Variants in EYA4 observed in about 807,000 individuals in gnomAD.
The protein encoded by EYA4 is EYA transcriptional coactivator and phosphatase 4.
Under a neutral mutation model 87.9 loss-of-function variants are expected in EYA4, and 31 were observed. The observed-to-expected ratio is 0.35, with a 90% confidence interval of 0.27 to 0.48. EYA4 has a LOEUF of 0.48. EYA4 is among the 20% of genes least tolerant of loss of function. EYA4 has a pLI of 0.99. For missense variants in EYA4, 678 were observed against 761.4 expected, an observed-to-expected ratio of 0.89 and a Z score of 1.29; for synonymous variants, 263 against 270.6, an observed-to-expected ratio of 0.97 and a Z score of 0.28.
rs537152581 is a variant in EYA4 at position 133,365,886 on chromosome 6, A to G, written c.34-16506A>G. Among the ~76,000 whole-genome samples, 8 of 152,320 alleles carry G rather than the reference A, an allele frequency of 5.3e-5. No homozygotes were observed. The East Asian group carries it at 1.2e-3, about 22-fold the overall frequency. ...CAGCCCTTTGCACTAAGAATTGGCT[A>G]GCTCTGGGAGTATAGTCTCTTCCCA... On this transcript the variant is annotated intron_variant, in intron 2 of 19. Coordinates refer to ENST00000355286, the MANE Select transcript of EYA4 (RefSeq NM_004100.5).
chr6:133,416,955 T>C (rs1789769833), intron 3 of EYA4, among the ~76,000 whole-genome samples: 1 of 152,210 alleles, frequency 6.6e-6, no homozygotes, highest in Non-Finnish European at 1.5e-5. Flanking sequence ...TTTGGGTGTA[T>C]GCCGAACACC....
intron 7 of EYA4, 146 bp from the exon 8 acceptor site, chr6:133,462,189 A>T: frequency 2.1e-6 from 2 of 967,602 alleles, no homozygotes; most frequent in African/African-American, 3.2e-5. Flanking sequence ...TGACATTCAG[A>T]CTGTTGCTTT....
At chr6:133,300,284 G>A (rs543850118) in intron 2 of EYA4, among the ~76,000 whole-genome samples, 129 of 151,660 alleles carry the variant, frequency 8.5e-4, no homozygotes, top group Non-Finnish European at 1.7e-3. Context: ...ATCCACAAGT[G>A]AGTGGACCCA....
intron 13 of EYA4, among the ~76,000 whole-genome samples, chr6:133,484,960 T>C (rs1562476074): frequency 1.3e-5 from 2 of 152,204 alleles, no homozygotes; most frequent in African/African-American, 2.4e-5. Flanking sequence ...TCTTTAAAAA[T>C]AGAAAGATCA....
At chr6:133,314,581 G>A (rs529941481) in intron 2 of EYA4, among the ~76,000 whole-genome samples, 103 of 152,116 alleles carry the variant, frequency 6.8e-4, no homozygotes, top group Non-Finnish European at 1.3e-3. Flanking sequence ...CTCCAACATG[G>A]TAATAAAACA....
chr6:133,431,584 A>G (rs561843581), intron 3 of EYA4, among the ~76,000 whole-genome samples: 5 of 152,294 alleles, frequency 3.3e-5, no homozygotes. Context: ...CTTGTATTTG[A>G]TGAACTTTGT....
chr6:133,464,743 A>G, intron 9 of EYA4, 36 bp from the exon 10 acceptor site: 1 of 1,222,872 alleles, frequency 8.2e-7, no homozygotes, highest in South Asian at 1.2e-5. Flanking sequence ...TTTTACAAGG[A>G]ATACTTTTAA....
At chr6:133,286,850 GT>G (rs1181089422) in intron 2 of EYA4, among the ~76,000 whole-genome samples, 1 of 152,168 alleles carries the variant, frequency 6.6e-6, no homozygotes, top group Non-Finnish European at 1.5e-5. Context: ...TCTAATTAGA[GT>G]TTTTTAACCT....
chr6:133,522,627 C>T (rs1469942725), intron 17 of EYA4, among the ~76,000 whole-genome samples: 1 of 152,026 alleles, frequency 6.6e-6, no homozygotes, highest in Non-Finnish European at 1.5e-5. Flanking sequence ...TACAAATTTT[C>T]CTGTTACAAG....
chr6:133,344,485 G>C (rs9493600), intron 2 of EYA4, among the ~76,000 whole-genome samples: 8,237 of 151,986 alleles, frequency 0.054, 719 homozygotes, highest in African/African-American at 0.18. Flanking sequence ...ATCTTATCTG[G>C]TTGGTCAAAA....
chr6:133,461,985 T>C, intron 7 of EYA4: 1 of 354,436 alleles, frequency 2.8e-6, no homozygotes, highest in Non-Finnish European at 5.4e-6. Context: ...AATTAGCTAG[T>C]GTGTGCTCCA....
chr6:133,446,236 A>G (rs574396769), intron 3 of EYA4, among the ~76,000 whole-genome samples: 2 of 152,184 alleles, frequency 1.3e-5, no homozygotes, highest in Non-Finnish European at 2.9e-5. Flanking sequence ...TTAAATTGCC[A>G]AGATGACAGA....
At position 133,530,284 on chromosome 6, in the gene EYA4, C is replaced by A. The variant is rs989837535; in HGVS notation, c.*1479C>A. ...TTAGTTTCTGCCTGTATTGTCACTG[C>A]GCAACGGATGGCATTCATTACAAGA... is the stretch of plus-strand genomic sequence containing the variant. On this transcript the variant is annotated 3_prime_UTR_variant, in exon 20 of 20. Transcript: ENST00000355286. 9.1e-6 allele frequency: 9 copies of A among 985,360 alleles called. No individual in the cohort carries two copies. Among genetic ancestry groups the A allele is most frequent in the Non-Finnish European group, 1.1e-5 (9 of 829,906 alleles). The allele number at this position is 985,360 out of a possible 1,614,324, so 61.0% of individuals were successfully genotyped here. A position where few individuals can be genotyped will look rare whatever the true frequency, so the allele number is the denominator to read the frequency against.
At chr6:133,268,268 C>G (rs1484561682) in intron 1 of EYA4, among the ~76,000 whole-genome samples, 1 of 152,114 alleles carries the variant, frequency 6.6e-6, no homozygotes, top group Non-Finnish European at 1.5e-5. Flanking sequence ...TTTCCATAAT[C>G]TGTTGTATCC....
rs763059953 is a variant in EYA4, at chr6:133,523,145, C to G, written c.1706C>G (p.Pro569Arg). Residue 569 changes from proline to arginine, a missense_variant, in exon 18 of 20, where the codon CCC (proline) becomes CGC (arginine). Pro to Arg is a moderately radical substitution (Grantham distance 103). Coordinates refer to ENST00000355286, the MANE Select transcript of EYA4 (RefSeq NM_004100.5). ...CTCTATAGTTTAGGAGGTGCTTTCC[C>G]CATTGAGAATATTTACAGTGCAACT... Reference protein sequence around the residue: ...VLLYSLGGAFPIENIYSATKI... With the variant: ...VLLYSLGGAFRIENIYSATKI... 6.2e-7 allele frequency: 1 copy of G among 1,612,246 alleles called. No individual in the cohort carries two copies. Among genetic ancestry groups the G allele is most frequent in the South Asian group, 1.1e-5 (1 of 91,048 alleles).
chr6:133,492,583 A>G lies in EYA4; in HGVS notation c.1191+9468A>G, dbSNP rs1204100152. On this transcript the variant is annotated intron_variant, in intron 13 of 19. Transcript: ENST00000355286. ...CCCACTGTCACCACTGTTATTCAGC[A>G]TAGTACTGGAAGTCCTAGTTAGAGC... 4.6e-5 allele frequency among the ~76,000 whole-genome samples: 7 copies of G among 152,356 alleles called. No homozygotes were observed. The East Asian group carries it at 7.7e-4, about 17-fold the overall frequency.
intron 3 of EYA4, among the ~76,000 whole-genome samples, chr6:133,406,817 A>T (rs1196968248): frequency 6.6e-6 from 1 of 152,174 alleles, no homozygotes; most frequent in African/African-American, 2.4e-5. Context: ...AAATGTATGA[A>T]ATCTGTCTCT....
At chr6:133,384,826 A>C (rs1388180142) in intron 3 of EYA4, among the ~76,000 whole-genome samples, 5 of 152,196 alleles carry the variant, frequency 3.3e-5, no homozygotes, top group African/African-American at 1.2e-4. Context: ...ACTCGACACA[A>C]AAAGGATACA....
intron 3 of EYA4, among the ~76,000 whole-genome samples, chr6:133,406,028 AC>A (rs1199979655): frequency 3.3e-5 from 5 of 151,978 alleles, no homozygotes; most frequent in Non-Finnish European, 5.9e-5. Context: ...CTATCTACCT[AC>A]CTACCTACCT....
Sources: gnomAD v4.1 joint callset for allele counts (sites outside exome capture counted in the v4.1 genomes callset) on GRCh38, gnomAD v4.1.1 for gene constraint, MANE v1.5 for transcripts, NCBI Gene and HGNC (gene_info 2026-07-23, HGNC 2026-07-21) for gene names.